Variants in LIMCH1 observed in about 807,000 individuals in gnomAD.
LIMCH1 encodes the protein LIM and calponin homology domains-containing protein 1.
LIMCH1 carries 113 observed loss-of-function variants against 176.5 expected under a neutral mutation model. That is an observed-to-expected ratio of 0.64 (90% CI 0.55 to 0.75). The LOEUF (loss-of-function observed/expected upper bound fraction) is 0.75, where lower values mean the gene tolerates loss of function less well. Among genes scored for constraint, LIMCH1 ranks in the 30% least tolerant of loss-of-function variants. The pLI, the probability that LIMCH1 is intolerant of heterozygous loss-of-function variation, is 0.00. For missense variants in LIMCH1, 1,674 were observed against 1,814.9 expected (o/e 0.92, Z 1.41); for synonymous variants, 619 against 645.9 (o/e 0.96, Z 0.63).
chr4:41,677,125 T>C (rs185701522), intron 23 of LIMCH1, among the ~76,000 whole-genome samples: 42 of 150,904 alleles, frequency 2.8e-4, no homozygotes, highest in Non-Finnish European at 5.2e-4. Context: ...ATCATGCCAC[T>C]GTACTCCAAC....
chr4:41,584,699 A>C (rs1332226185), intron 1 of LIMCH1, among the ~76,000 whole-genome samples: 1 of 151,960 alleles, frequency 6.6e-6, no homozygotes, highest in Non-Finnish European at 1.5e-5. Flanking sequence ...TTTGTTTTGC[A>C]TTTTTATACC....
At chr4:41,459,804 G>A (rs187120846) in intron 1 of LIMCH1, among the ~76,000 whole-genome samples, 2 of 152,302 alleles carry the variant, frequency 1.3e-5, no homozygotes, top group East Asian at 3.9e-4. Flanking sequence ...CTAAGTGGGA[G>A]CTAGAACCAT....
At chr4:41,487,678 A>C (rs1219100929) in intron 1 of LIMCH1, among the ~76,000 whole-genome samples, 1 of 68,368 alleles carries the variant, frequency 1.5e-5, no homozygotes, top group Non-Finnish European at 2.6e-5. Flanking sequence ...TTTTTTTTTG[A>C]GACGGAGTCT....
At chr4:41,666,505 G>A (rs2094831341) in intron 20 of LIMCH1, 56 bp from the exon 21 acceptor site, 1 of 1,064,776 alleles carries the variant, frequency 9.4e-7, no homozygotes, top group African/African-American at 1.6e-5. Context: ...TGTGTCACCT[G>A]TGCATTTATC....
intron 1 of LIMCH1, among the ~76,000 whole-genome samples, chr4:41,448,234 G>A (rs1286590285): frequency 6.6e-6 from 1 of 152,206 alleles, no homozygotes. Context: ...TAACTTTCCT[G>A]TATTTCTCCT....
chr4:41,379,170 G>A (rs1441461896), intron 1 of LIMCH1, among the ~76,000 whole-genome samples: 1 of 152,148 alleles, frequency 6.6e-6, no homozygotes, highest in Non-Finnish European at 1.5e-5. Context: ...TTTTCTTGAG[G>A]TTGCAAACAA....
chr4:41,393,454 A>G (rs1052862415), intron 1 of LIMCH1, among the ~76,000 whole-genome samples: 14 of 152,238 alleles, frequency 9.2e-5, no homozygotes, highest in African/African-American at 3.4e-4. Flanking sequence ...GTCCTTTGAT[A>G]AAGAATTCCT....
chr4:41,429,732 G>T (rs1185419190), intron 1 of LIMCH1, among the ~76,000 whole-genome samples: 1 of 152,162 alleles, frequency 6.6e-6, no homozygotes, highest in Non-Finnish European at 1.5e-5. Context: ...AGTAACAAAT[G>T]ATACCCAAGT....
Position 41,523,782 on chromosome 4 carries a change from T to C in LIMCH1, c.168-627T>C, listed in dbSNP as rs556376541. Among the ~76,000 whole-genome samples, 11 of 152,348 alleles carry C rather than the reference T, an allele frequency of 7.2e-5. No individual in the cohort carries two copies. In the South Asian group the frequency reaches 1.2e-3, roughly 17 times the overall value. Reference sequence around the variant, plus strand: ...TGTAACCATTGTTATATAATTTCAATCTTTAGCTGAAAATCTTTTGCTCAA... The same window carrying C: ...TGTAACCATTGTTATATAATTTCAACCTTTAGCTGAAAATCTTTTGCTCAA... On this transcript the variant is annotated intron_variant, in intron 2 of 26. Transcript: ENST00000313860.
rs1440294342 is a variant in LIMCH1 at position 41,644,588 on chromosome 4, A to C, written c.2215A>C (p.Asn739His). 4 of 1,612,108 alleles carry C rather than the reference A, an allele frequency of 2.5e-6. No individual in the cohort carries two copies. Among genetic ancestry groups the C allele is most frequent in the Non-Finnish European group, 1.7e-6 (2 of 1,179,308 alleles). The change falls in exon 15 of 32, where the codon AAT becomes CAT. Residue 739 changes from asparagine to histidine, a missense_variant. This residue lies in a region of LIMCH1 where 1,015 missense variants were observed against 1,102.5 expected (regional missense o/e 0.92). Coordinates refer to ENST00000503057, the MANE Select transcript of LIMCH1 (RefSeq NM_001330672.2). ...RARQEQLQLI[N>H]NQLREEDDKW... ...CCGCCAGGAGCAGCTGCAGCTGATA[A>C]ATAACCAGCTGAGGGAAGAGGACGA...
At chr4:41,451,421 C>T (rs763104758) in intron 1 of LIMCH1, among the ~76,000 whole-genome samples, 2 of 152,096 alleles carry the variant, frequency 1.3e-5, no homozygotes, top group African/African-American at 4.8e-5. Context: ...CCACCGTGCC[C>T]GGCCCGAAAG....
intron 2 of LIMCH1, among the ~76,000 whole-genome samples, chr4:41,521,456 C>G (rs1041022195): frequency 6.6e-5 from 10 of 152,048 alleles, no homozygotes; most frequent in African/African-American, 2.4e-4. Context: ...TAAGTATTTA[C>G]TGAAAATATT....
At chr4:41,388,233 C>T (rs1436667501) in intron 1 of LIMCH1, among the ~76,000 whole-genome samples, 1 of 152,066 alleles carries the variant, frequency 6.6e-6, no homozygotes, top group Non-Finnish European at 1.5e-5. Context: ...TCATAATAGC[C>T]CAAAAGTGGA....
chr4:41,441,619 A>G (rs889420026), intron 1 of LIMCH1, among the ~76,000 whole-genome samples: 2 of 152,210 alleles, frequency 1.3e-5, no homozygotes, highest in African/African-American at 4.8e-5. Flanking sequence ...TCTTTCACAG[A>G]TATTTTAAAA....
intron 21 of LIMCH1, among the ~76,000 whole-genome samples, chr4:41,670,523 GTTC>G (rs2094977449): frequency 6.6e-6 from 1 of 152,096 alleles, no homozygotes; most frequent in East Asian, 1.9e-4. Context: ...AACTGTCCTG[GTTC>G]TGTTGATTTT....
intron 1 of LIMCH1, among the ~76,000 whole-genome samples, chr4:41,550,308 A>G (rs1439950351): frequency 6.6e-6 from 1 of 151,576 alleles, no homozygotes; most frequent in East Asian, 2.0e-4. Context: ...CAGGTGATCA[A>G]TTAATACCTG....
intron 2 of LIMCH1, among the ~76,000 whole-genome samples, chr4:41,496,537 G>T (rs1292379433): frequency 6.6e-6 from 1 of 152,172 alleles, no homozygotes; most frequent in Non-Finnish European, 1.5e-5. Context: ...AAATTTCTAG[G>T]CATGGAACTT....
chr4:41,524,892 G>C (rs1221176133), intron 3 of LIMCH1, among the ~76,000 whole-genome samples: 2 of 152,166 alleles, frequency 1.3e-5, no homozygotes, highest in Non-Finnish European at 2.9e-5. Context: ...ATAAATTGCT[G>C]CTTTCAATAT....
chr4:41,661,600 A>G (rs575332479), intron 19 of LIMCH1, 90 bp downstream of exon 19: 1 of 965,422 alleles, frequency 1.0e-6, no homozygotes, highest in South Asian at 1.4e-5. Flanking sequence ...CTACTGAGCC[A>G]CAGGAAAGTA....
Sources: allele counts gnomAD v4.1 joint callset (sites outside exome capture counted in the v4.1 genomes callset), GRCh38; gene constraint gnomAD v4.1.1; regional missense constraint gnomAD v4.1.1; transcripts MANE v1.5; gene names NCBI Gene and HGNC (gene_info 2026-07-23, HGNC 2026-07-21).